The following CELF5 variants were observed in gnomAD, a reference collection of about 807,000 sequenced individuals.
CELF5 encodes CUG-BP and ETR-3 like factor 5.
A neutral mutation model predicts 54.9 loss-of-function variants in CELF5; 6 were observed. The observed-to-expected ratio is 0.11, with a 90% CI of 0.06 to 0.22. The LOEUF (loss-of-function observed/expected upper bound fraction) is 0.22, where lower values mean the gene tolerates loss of function less well. Among genes scored for constraint, CELF5 ranks in the 10% least tolerant of loss-of-function variants. The pLI is 1.00. For missense variants in CELF5, 401 were observed against 678.6 expected (o/e 0.59, Z 4.54); for synonymous variants, 271 against 290.9 (o/e 0.93, Z 0.70).
intron 1 of CELF5, among the ~76,000 whole-genome samples, chr19:3,235,282 C>G (rs577392097): frequency 6.6e-6 from 1 of 152,170 alleles, no homozygotes; most frequent in East Asian, 1.9e-4. Flanking sequence ...CTAGTCACTC[C>G]CAGAACTCCA....
intron 11 of CELF5, among the ~76,000 whole-genome samples, chr19:3,292,987 G>T (rs141804705): frequency 0.012 from 1,788 of 152,300 alleles, 33 homozygotes; most frequent in African/African-American, 0.04. Flanking sequence ...GGCTTGGAAG[G>T]AGGCAGGCAT....
chr19:3,253,161 C>T lies in CELF5; in HGVS notation c.342+2094C>T, dbSNP rs76560401. On this transcript the variant is annotated intron_variant, in intron 2 of 12. Coordinates refer to ENST00000292672, the MANE Select transcript of CELF5 (RefSeq NM_021938.4). ...AACAAAAAATCAAACCAACCAGAAG[C>T]TGGAGGGCAGGTCAGTCCATACAGA... 8.1e-4 allele frequency among the ~76,000 whole-genome samples: 123 copies of T among 151,964 alleles called. 3 individuals are homozygous for T. In the East Asian group the frequency reaches 0.013, roughly 16 times the overall value.
intron 1 of CELF5, 87 bp downstream of exon 1, chr19:3,225,085 T>G: frequency 3.9e-6 from 3 of 778,736 alleles, no homozygotes; most frequent in Non-Finnish European, 5.6e-6. Context: ...TCACCATCCC[T>G]CCTCTGCTCA....
At chr19:3,247,230 G>A (rs976891203) in intron 1 of CELF5, among the ~76,000 whole-genome samples, 6 of 152,118 alleles carry the variant, frequency 3.9e-5, no homozygotes, top group African/African-American at 9.7e-5. Flanking sequence ...GGGCTCAAGC[G>A]ATCCTCCTGC....
intron 9 of CELF5, 42 bp from the exon 10 acceptor site, chr19:3,285,900 T>A: frequency 4.2e-6 from 5 of 1,178,170 alleles, no homozygotes; most frequent in Non-Finnish European, 5.4e-6. Flanking sequence ...CCACGTGGCC[T>A]CACGCCCCTC....
chr19:3,284,877 A>C (rs1456627967), intron 8 of CELF5, 25 bp from the exon 9 acceptor site: 2 of 1,609,278 alleles, frequency 1.2e-6, no homozygotes, highest in Non-Finnish European at 1.7e-6. Flanking sequence ...CTCCCGCCCC[A>C]CTCAGCCCCT....
intron 12 of CELF5, 63 bp downstream of exon 12, chr19:3,293,549 C>T (rs943989880): frequency 3.4e-5 from 46 of 1,362,790 alleles, no homozygotes; most frequent in East Asian, 1.2e-4. Context: ...CCCCCTCCCG[C>T]GGCCCACTTC....
At chr19:3,225,332 C>A (rs1357707829) in intron 1 of CELF5, among the ~76,000 whole-genome samples, 1 of 109,906 alleles carries the variant, frequency 9.1e-6, no homozygotes, top group Admixed American at 9.0e-5. Flanking sequence ...TCCTTCCCCC[C>A]ACAGCACCCT....
Position 3,228,693 on chromosome 19 carries a change from G to C in CELF5, c.259+3695G>C, listed in dbSNP as rs948403626. ...CACCAGCTGCCGGCTCGACTCGGGA[G>C]GGGGGGAGGAGGAGGCTGTAGCAGG... On this transcript the variant is annotated intron_variant, in intron 1 of 12. Coordinates refer to ENST00000292672, the MANE Select transcript of CELF5 (RefSeq NM_021938.4). The surrounding 1 kb of genome is among the most constrained non-coding windows in gnomAD (Gnocchi z 6.0). 1.6e-4 allele frequency among the ~76,000 whole-genome samples: 25 copies of C among 151,906 alleles called. No homozygotes were observed. The highest frequency in any genetic ancestry group is 4.6e-4 in the African/African-American group (19 of 41,462).
chr19:3,235,666 ATGGATGGATGGATGTGTGGATGGG>A (rs1568330060), intron 1 of CELF5, among the ~76,000 whole-genome samples: 704 of 42,202 alleles, frequency 0.017, 1 homozygote, highest in East Asian at 0.05. Context: ...GGATGGATGG[ATGGATGGATGGATGTGTGGATGGG>A]TGGATGGATG....
chr19:3,235,934 GA>G (rs1175988899), intron 1 of CELF5, among the ~76,000 whole-genome samples: 1 of 152,154 alleles, frequency 6.6e-6, no homozygotes, highest in African/African-American at 2.4e-5. Flanking sequence ...TATGGATGGG[GA>G]AATTTCTGGT....
rs200992581 is a variant in CELF5 at position 3,290,385 on chromosome 19, G to A, written c.1330+11G>A. 6.5e-5 allele frequency: 104 copies of A among 1,611,888 alleles called. 1 individual carries two copies. The Middle Eastern group carries it at 1.7e-3, about 26-fold the overall frequency. ...AGAGCAAGTGTTTCGGTGAGTGGCCGCCGACGCCACCCCTCCCCATCCACC... is the reference window on the plus strand; with the variant it reads ...AGAGCAAGTGTTTCGGTGAGTGGCCACCGACGCCACCCCTCCCCATCCACC... On this transcript the variant is annotated intron_variant, in intron 11 of 12. Coordinates refer to ENST00000292672, the MANE Select transcript of CELF5 (RefSeq NM_021938.4).
chr19:3,274,107 A>T (rs907680065), intron 3 of CELF5, among the ~76,000 whole-genome samples, 184 bp downstream of exon 3: 30 of 152,014 alleles, frequency 2.0e-4, no homozygotes, highest in Non-Finnish European at 8.8e-5. Context: ...TGGTGGGGGG[A>T]GAAGCAGGTT....
intron 11 of CELF5, among the ~76,000 whole-genome samples, chr19:3,292,024 G>A (rs1310179232): frequency 2.0e-5 from 3 of 151,988 alleles, no homozygotes; most frequent in East Asian, 1.9e-4. Flanking sequence ...TCAGCTCACC[G>A]CAATCTCTGC....
At chr19:3,233,110 T>C (rs1286441722) in intron 1 of CELF5, among the ~76,000 whole-genome samples, 2 of 150,890 alleles carry the variant, frequency 1.3e-5, no homozygotes, top group Non-Finnish European at 3.0e-5. Context: ...AATAAATAAA[T>C]AAATAAATAA....
chr19:3,239,017 T>C (rs2079454270), intron 1 of CELF5, among the ~76,000 whole-genome samples: 1 of 152,208 alleles, frequency 6.6e-6, no homozygotes, highest in Non-Finnish European at 1.5e-5. Flanking sequence ...AAATTCCTTA[T>C]TGAAATCTGC....
At chr19:3,290,458 C>G (rs1599488860) in intron 11 of CELF5, 84 bp downstream of exon 11, 1 of 1,460,896 alleles carries the variant, frequency 6.8e-7, no homozygotes, top group Non-Finnish European at 9.5e-7. Context: ...TGGTCGGCCT[C>G]GGGACAGGGC....
At chr19:3,225,596 T>G (rs372139427) in intron 1 of CELF5, 4 of 983,302 alleles carry the variant, frequency 4.1e-6, no homozygotes, top group South Asian at 9.4e-5. Flanking sequence ...GGGACACGGA[T>G]GCCCAGGACC....
At chr19:3,272,358 A>G (rs992795147) in intron 2 of CELF5, among the ~76,000 whole-genome samples, 1 of 151,648 alleles carries the variant, frequency 6.6e-6, no homozygotes, top group Non-Finnish European at 1.5e-5. Flanking sequence ...ACAGAGTGAG[A>G]GTCCGTCCCA....
Sources: gnomAD v4.1 joint callset for allele counts (sites outside exome capture counted in the v4.1 genomes callset) on GRCh38, gnomAD v4.1.1 for gene constraint, Gnocchi (gnomAD v3.1) non-coding constraint, MANE v1.5 for transcripts, NCBI Gene and HGNC (gene_info 2026-07-23, HGNC 2026-07-21) for gene names.